SLIT3: variants seen among roughly 807,000 people sequenced by gnomAD.
SLIT3 encodes slit homolog 3 protein.
SLIT3 carries 68 observed loss-of-function variants against 184.0 expected under a neutral mutation model. The observed-to-expected ratio is 0.37, with a 90% CI of 0.30 to 0.45. The LOEUF (loss-of-function observed/expected upper bound fraction) is 0.45, where lower values mean the gene tolerates loss of function less well. SLIT3 is among the 20% of genes least tolerant of loss of function. SLIT3 has a pLI of 1.00. For synonymous variants in SLIT3, 831 were observed against 828.6 expected (o/e 1.00, Z -0.05); for missense variants, 1,707 against 2,026.0 (o/e 0.84, Z 3.02).
At chr5:169,147,488 T>G (rs1057243895) in intron 4 of SLIT3, among the ~76,000 whole-genome samples, 1 of 152,174 alleles carries the variant, frequency 6.6e-6, no homozygotes, top group African/African-American at 2.4e-5. Flanking sequence ...CTCAATCTCC[T>G]GACCTCATGA....
At chr5:169,121,610 G>A (rs1023556399) in intron 4 of SLIT3, among the ~76,000 whole-genome samples, 1 of 152,142 alleles carries the variant, frequency 6.6e-6, no homozygotes, top group Non-Finnish European at 1.5e-5. Flanking sequence ...TCTATGAGGT[G>A]AAAACAATCT....
At chr5:169,044,353 C>T (rs993311944) in intron 4 of SLIT3, among the ~76,000 whole-genome samples, 5 of 152,200 alleles carry the variant, frequency 3.3e-5, no homozygotes, top group African/African-American at 1.2e-4. Context: ...TTCACAGCAG[C>T]ATTATTCATG....
chr5:169,099,829 G>A (rs186407177), intron 4 of SLIT3, among the ~76,000 whole-genome samples: 59 of 152,326 alleles, frequency 3.9e-4, no homozygotes, highest in Admixed American at 2.5e-3. Flanking sequence ...GGTCAAGAAG[G>A]CAGGCAATGT....
chr5:169,245,482 C>A (rs565084204), intron 2 of SLIT3, among the ~76,000 whole-genome samples: 1 of 151,984 alleles, frequency 6.6e-6, no homozygotes, highest in Admixed American at 6.6e-5. Flanking sequence ...AAAAAATGGC[C>A]GCTTAAATGG....
intron 4 of SLIT3, among the ~76,000 whole-genome samples, chr5:168,932,729 T>A (rs531188686): frequency 6.6e-6 from 1 of 152,312 alleles, no homozygotes; most frequent in African/African-American, 2.4e-5. Flanking sequence ...TGTTTCCACA[T>A]CTGTAAAACG....
intron 3 of SLIT3, among the ~76,000 whole-genome samples, chr5:169,205,046 A>G (rs1764025283): frequency 6.6e-6 from 1 of 152,162 alleles, no homozygotes; most frequent in Non-Finnish European, 1.5e-5. Flanking sequence ...GGGCCCAGGA[A>G]TTGAGGGAAT....
chr5:169,091,810 C>G (rs1759595744), intron 4 of SLIT3, among the ~76,000 whole-genome samples: 1 of 152,218 alleles, frequency 6.6e-6, no homozygotes, highest in South Asian at 2.1e-4. Flanking sequence ...GTGCTCTGAA[C>G]ATATTTAGTC....
chr5:169,244,292 G>A (rs1327121452), intron 3 of SLIT3, among the ~76,000 whole-genome samples: 2 of 152,252 alleles, frequency 1.3e-5, no homozygotes, highest in Non-Finnish European at 2.9e-5. Context: ...TCAGGGAGGA[G>A]AAGGCCTCAG....
At chr5:169,093,535 A>G (rs1421418970) in intron 4 of SLIT3, among the ~76,000 whole-genome samples, 1 of 152,220 alleles carries the variant, frequency 6.6e-6, no homozygotes, top group Non-Finnish European at 1.5e-5. Context: ...GGTCGAGTTG[A>G]TCATTCCTGA....
At chr5:169,264,449 A>G (rs1179458094) in intron 1 of SLIT3, among the ~76,000 whole-genome samples, 1 of 152,144 alleles carries the variant, frequency 6.6e-6, no homozygotes, top group Non-Finnish European at 1.5e-5. Context: ...AAGTGCTGGA[A>G]TTACAGGCGT....
At chr5:169,288,708 G>A (rs1007943191) in intron 1 of SLIT3, among the ~76,000 whole-genome samples, 24 of 152,020 alleles carry the variant, frequency 1.6e-4, no homozygotes, top group Admixed American at 7.9e-4. Flanking sequence ...TCCCTTATTT[G>A]GTCCTACTGT....
At chr5:169,287,367 A>G (rs1162310080) in intron 1 of SLIT3, among the ~76,000 whole-genome samples, 1 of 151,816 alleles carries the variant, frequency 6.6e-6, no homozygotes, top group African/African-American at 2.4e-5. Context: ...CTGCTTCCAC[A>G]TGATTCCCTA....
intron 28 of SLIT3, among the ~76,000 whole-genome samples, chr5:168,695,675 G>T (rs1044061444): frequency 4.6e-5 from 7 of 152,142 alleles, no homozygotes; most frequent in Non-Finnish European, 1.0e-4. Flanking sequence ...TAAAGGTTTT[G>T]TGTTTGGGGG....
intron 4 of SLIT3, among the ~76,000 whole-genome samples, chr5:169,100,366 A>G (rs1759962863): frequency 6.6e-6 from 1 of 152,196 alleles, no homozygotes; most frequent in Non-Finnish European, 1.5e-5. Flanking sequence ...CAAGTCCTTC[A>G]AACTAGATGA....
At chr5:168,774,422 T>C in intron 12 of SLIT3, 44 bp from the exon 13 acceptor site, 3 of 1,570,742 alleles carry the variant, frequency 1.9e-6, no homozygotes, top group South Asian at 1.2e-5. Context: ...ATCCTGGTAA[T>C]TACCTGCGGG....
At chr5:169,116,711 A>G (rs1171892438) in intron 4 of SLIT3, among the ~76,000 whole-genome samples, 2 of 152,200 alleles carry the variant, frequency 1.3e-5, no homozygotes, top group African/African-American at 4.8e-5. Context: ...CAAAAGGTTG[A>G]GGTCTGAGGG....
At chr5:169,192,109 C>T (rs1218001208) in intron 4 of SLIT3, among the ~76,000 whole-genome samples, 1 of 152,088 alleles carries the variant, frequency 6.6e-6, no homozygotes, top group Non-Finnish European at 1.5e-5. Context: ...TCTGGTATGC[C>T]CATTTGGCAT....
intron 4 of SLIT3, among the ~76,000 whole-genome samples, chr5:168,993,706 A>G (rs986169390): frequency 5.3e-5 from 8 of 151,674 alleles, no homozygotes; most frequent in Non-Finnish European, 8.8e-5. Flanking sequence ...AAATGATGAT[A>G]GGCAGAAAAG....
intron 4 of SLIT3, among the ~76,000 whole-genome samples, chr5:169,062,330 G>C (rs1219989444): frequency 6.6e-6 from 1 of 152,180 alleles, no homozygotes; most frequent in African/African-American, 2.4e-5. Flanking sequence ...CATTTGTTTA[G>C]TGCTTATTAA....
Sources: gnomAD v4.1 joint callset for allele counts (sites outside exome capture counted in the v4.1 genomes callset) on GRCh38, gnomAD v4.1.1 for gene constraint, MANE v1.5 for transcripts, NCBI Gene and HGNC (gene_info 2026-07-23, HGNC 2026-07-21) for gene names.